The following GPAT3 variants were observed in gnomAD, a reference collection of about 807,000 sequenced individuals.
The protein encoded by GPAT3 is glycerol-3-phosphate acyltransferase 3, also known as 1-AGP acyltransferase 9.
GPAT3 carries 53 observed loss-of-function variants against 58.8 expected under a neutral mutation model. The observed-to-expected ratio is 0.90, with a 90% CI of 0.72 to 1.13. The LOEUF (loss-of-function observed/expected upper bound fraction) is 1.13, where lower values mean the gene tolerates loss of function less well. GPAT3 is among the 50% of genes most tolerant of loss of function. The pLI is 0.00. For missense variants in GPAT3, 511 were observed against 527.6 expected (o/e 0.97, Z 0.31); for synonymous variants, 197 against 187.4 (o/e 1.05, Z -0.42).
At chr4:83,596,300 T>G (rs199777143) in intron 7 of GPAT3, among the ~76,000 whole-genome samples, 2 of 152,202 alleles carry the variant, frequency 1.3e-5, no homozygotes, top group East Asian at 3.9e-4. Flanking sequence ...AATATTCTCT[T>G]TTAAGAATAG....
intron 2 of GPAT3, among the ~76,000 whole-genome samples, chr4:83,553,496 G>C (rs1434048531): frequency 6.6e-6 from 1 of 152,170 alleles, no homozygotes; most frequent in Non-Finnish European, 1.5e-5. Flanking sequence ...CTGAAGGTCT[G>C]GTTGGTGATT....
Position 83,543,442 on chromosome 4 carries a change from G to GA in GPAT3, c.142-1087dup, listed in dbSNP as rs1271149345. 2.6e-5 allele frequency among the ~76,000 whole-genome samples: 4 copies of GA among 151,790 alleles called. No homozygotes were observed. The East Asian group carries it at 7.7e-4, about 29-fold the overall frequency. ...GGGAAATGTGTAAAAAATGTATAAAGAAAAAAATAAAAAAATCACATCTGG... is the reference window on the plus strand; with the variant it reads ...GGGAAATGTGTAAAAAATGTATAAAGAAAAAAAATAAAAAAATCACATCTGG... On this transcript the variant is annotated intron_variant, in intron 1 of 11. Coordinates refer to ENST00000264409, the MANE Select transcript of GPAT3 (RefSeq NM_032717.5).
intron 1 of GPAT3, among the ~76,000 whole-genome samples, chr4:83,544,273 A>G (rs1398918355): frequency 1.3e-5 from 2 of 152,188 alleles, no homozygotes; most frequent in African/African-American, 4.8e-5. Context: ...GGAGTAATTT[A>G]TCAGGTCACC....
At chr4:83,590,315 T>C (rs762715839) in intron 6 of GPAT3, 23 bp downstream of exon 6, 13 of 1,601,500 alleles carry the variant, frequency 8.1e-6, no homozygotes, top group Non-Finnish European at 1.1e-5. Flanking sequence ...CATTGATATT[T>C]CAAGTAGTTG....
chr4:83,536,121 G>A lies in GPAT3; in HGVS notation c.-502G>A. ...CCGAGCGCAGCCAGCTTCCAGCACA[G>A]CCCGCGGCCCGGTGCCAGCTCCGCC... On this transcript the variant is annotated 5_prime_UTR_variant, in exon 1 of 12. Coordinates refer to ENST00000264409, the MANE Select transcript of GPAT3 (RefSeq NM_032717.5). The A allele has an allele frequency of 1.0e-6, 1 of 985,872 alleles. No individual in the cohort carries two copies. The highest frequency in any genetic ancestry group is 1.2e-6 in the Non-Finnish European group (1 of 830,204). 61.1% of individuals were successfully genotyped at this position (985,872 alleles called of 1,614,324 possible).
intron 2 of GPAT3, among the ~76,000 whole-genome samples, chr4:83,566,768 T>A (rs1290415529): frequency 6.6e-6 from 1 of 151,732 alleles, no homozygotes; most frequent in African/African-American, 2.4e-5. Flanking sequence ...ATTTTCTTTT[T>A]TTTTCCCCCA....
At chr4:83,547,795 T>C (rs1012273839) in intron 2 of GPAT3, among the ~76,000 whole-genome samples, 5 of 152,140 alleles carry the variant, frequency 3.3e-5, no homozygotes, top group Non-Finnish European at 7.4e-5. Flanking sequence ...GATATGATTA[T>C]GGGTAAATCT....
intron 2 of GPAT3, among the ~76,000 whole-genome samples, chr4:83,563,610 T>G (rs796202034): frequency 3.4e-4 from 51 of 151,358 alleles, no homozygotes; most frequent in African/African-American, 1.2e-3. Context: ...GGCTCCTGAA[T>G]AGTTGGGATT....
intron 8 of GPAT3, 71 bp downstream of exon 8, chr4:83,596,984 T>C (rs1726867843): frequency 6.9e-7 from 1 of 1,443,560 alleles, no homozygotes; most frequent in Non-Finnish European, 9.6e-7. Flanking sequence ...AGGAATAGAA[T>C]TGCCATAGAA....
At chr4:83,556,826 G>A (rs1724959778) in intron 2 of GPAT3, among the ~76,000 whole-genome samples, 1 of 151,590 alleles carries the variant, frequency 6.6e-6, no homozygotes, top group African/African-American at 2.4e-5. Context: ...CCTAGTATTT[G>A]TCTTAGTCCA....
intron 2 of GPAT3, among the ~76,000 whole-genome samples, chr4:83,578,926 T>TTTCTTTC (rs1206890850): frequency 8.5e-4 from 8 of 9,428 alleles, no homozygotes; most frequent in South Asian, 0.012. Context: ...TTTTCTTTTC[T>TTTCTTTC]TTCTTTCTTT....
At chr4:83,600,290 C>T (rs1166588606) in intron 11 of GPAT3, among the ~76,000 whole-genome samples, 1 of 151,262 alleles carries the variant, frequency 6.6e-6, no homozygotes, top group Non-Finnish European at 1.5e-5. Context: ...AGAGAGAGTG[C>T]AAGTTCTCTA....
At position 83,536,852 on chromosome 4, in the gene GPAT3, AG is replaced by A. The variant is rs759726432; in HGVS notation, c.141+93del. 359 of 1,294,390 alleles carry A rather than the reference AG, an allele frequency of 2.8e-4. 2 individuals carry two copies. Among genetic ancestry groups the A allele is most frequent in the Admixed American group, 6.0e-4 (32 of 52,928 alleles). The allele number at this position is 1,294,390 out of a possible 1,614,324, so 80.2% of individuals were successfully genotyped here. ...TTCTCAAGGTCAGTGGTCGCGAGTCAGGGGTGTGTGTGCGCGCGTGTGCATG... is the reference window on the plus strand; with the variant it reads ...TTCTCAAGGTCAGTGGTCGCGAGTCAGGGTGTGTGTGCGCGCGTGTGCATG... On this transcript the variant is annotated intron_variant, in intron 1 of 11. Coordinates refer to ENST00000264409, the MANE Select transcript of GPAT3 (RefSeq NM_032717.5).
chr4:83,576,457 C>T (rs986147316), intron 2 of GPAT3, among the ~76,000 whole-genome samples: 66 of 100,172 alleles, frequency 6.6e-4, no homozygotes, highest in African/African-American at 2.5e-3. Context: ...TATTTATTTA[C>T]TTTTGAGACA....
At chr4:83,581,064 C>G (rs1276111757) in intron 2 of GPAT3, among the ~76,000 whole-genome samples, 1 of 139,938 alleles carries the variant, frequency 7.1e-6, no homozygotes, top group African/African-American at 2.7e-5. Flanking sequence ...CCACTGCACT[C>G]CAGCCTGGGT....
At chr4:83,548,483 A>G (rs774756664) in intron 2 of GPAT3, among the ~76,000 whole-genome samples, 1 of 152,050 alleles carries the variant, frequency 6.6e-6, no homozygotes, top group African/African-American at 2.4e-5. Flanking sequence ...GATGAATTGT[A>G]CTCTAATTGC....
chr4:83,537,348 C>G (rs72936998), intron 1 of GPAT3, among the ~76,000 whole-genome samples: 10,786 of 152,194 alleles, frequency 0.071, 1,206 homozygotes, highest in African/African-American at 0.24. Flanking sequence ...TCAGGTCTCC[C>G]TACCCTCCTG....
At chr4:83,547,398 G>T (rs546953966) in intron 2 of GPAT3, among the ~76,000 whole-genome samples, 1 of 151,326 alleles carries the variant, frequency 6.6e-6, no homozygotes, top group Non-Finnish European at 1.5e-5. Context: ...GACTACAGGT[G>T]CCCGCCACCA....
intron 2 of GPAT3, among the ~76,000 whole-genome samples, chr4:83,577,059 C>G (rs1725846867): frequency 6.6e-6 from 1 of 152,218 alleles, no homozygotes; most frequent in Non-Finnish European, 1.5e-5. Flanking sequence ...ATGAGATGCA[C>G]TGAGAATACC....
Sources: gnomAD v4.1 joint callset for allele counts (sites outside exome capture counted in the v4.1 genomes callset) on GRCh38, gnomAD v4.1.1 for gene constraint, MANE v1.5 for transcripts, NCBI Gene and HGNC (gene_info 2026-07-23, HGNC 2026-07-21) for gene names.